FKBP4: variants seen among roughly 807,000 people sequenced by gnomAD.
FKBP4 encodes FKBP prolyl isomerase 4, also known as peptidyl-prolyl cis-trans isomerase FKBP4.
Under a neutral mutation model 54.1 loss-of-function variants are expected in FKBP4, and 28 were observed. That is an observed-to-expected ratio of 0.52 (90% CI 0.38 to 0.71). The LOEUF is 0.71. Among genes scored for constraint, FKBP4 ranks in the 30% least tolerant of loss-of-function variants. The probability of loss-of-function intolerance (pLI) is 0.00; values close to 1 mark genes in which losing one functional copy is unlikely to be tolerated. For synonymous variants in FKBP4, 223 were observed against 216.1 expected, an observed-to-expected ratio of 1.03 and a Z score of -0.28; for missense variants, 493 against 574.4, an observed-to-expected ratio of 0.86 and a Z score of 1.45.
At chr12:2,796,867 A>T in intron 1 of FKBP4, 2 of 1,248,438 alleles carry the variant, frequency 1.6e-6, no homozygotes, top group Non-Finnish European at 2.0e-6. Flanking sequence ...GGAGAATTTT[A>T]AAAACTTACC....
Position 2,803,309 on chromosome 12 carries a change from A to AC in FKBP4, c.*52dup, listed in dbSNP as rs776413239. 1.9e-5 allele frequency: 24 copies of AC among 1,265,156 alleles called. No individual in the cohort carries two copies. The South Asian group carries it at 2.7e-4, about 14-fold the overall frequency. The allele number at this position is 1,265,156 out of a possible 1,614,324, so 78.4% of individuals were successfully genotyped here. A position where few individuals can be genotyped will look rare whatever the true frequency, so the allele number is the denominator to read the frequency against. On this transcript the variant is annotated 3_prime_UTR_variant, in exon 10 of 10. Transcript: ENST00000001008. Reference sequence around the variant, plus strand: ...CGGCTGCCTGCCCCCCAGTCTCCCCACTCCACCCTGTTAGTTTTGTAAAAA... The same window carrying AC: ...CGGCTGCCTGCCCCCCAGTCTCCCCACCTCCACCCTGTTAGTTTTGTAAAAA...
intron 2 of FKBP4, among the ~76,000 whole-genome samples, chr12:2,797,509 A>C (rs1224595774): frequency 8.0e-5 from 12 of 150,702 alleles, no homozygotes. Flanking sequence ...TCAAAGGTGG[A>C]CTGTCTTGCA....
chr12:2,802,728 C>G (rs890170018), intron 9 of FKBP4, among the ~76,000 whole-genome samples: 2 of 151,998 alleles, frequency 1.3e-5, no homozygotes, highest in Non-Finnish European at 2.9e-5. Flanking sequence ...TACAAGTGTT[C>G]TGTTTTGTTT....
chr12:2,800,558 C>T lies in FKBP4; in HGVS notation c.1013C>T (p.Ala338Val). 6.2e-7 allele frequency: 1 copy of T among 1,611,152 alleles called. No homozygotes were observed. The highest frequency in any genetic ancestry group is 1.1e-5 in the South Asian group (1 of 90,706). The change falls in exon 8 of 10, where the codon GCC becomes GTC. Residue 338 changes from alanine (A) to valine (V), a missense_variant. Ala to Val is a moderately conservative substitution (Grantham distance 64). Coordinates refer to ENST00000001008, the MANE Select transcript of FKBP4 (RefSeq NM_002014.4). ...CTGAAACTACAGGCCTTCTCTGCTG[C>T]CATTGAAAGCTGTAACAAGGTGAGG... Reference protein sequence around the residue: ...CHLKLQAFSAAIESCNKALEL... With the variant: ...CHLKLQAFSAVIESCNKALEL...
chr12:2,796,722 AAGG>A, intron 1 of FKBP4: 1 of 1,065,534 alleles, frequency 9.4e-7, no homozygotes, highest in Non-Finnish European at 1.1e-6. Context: ...ATGAAGGAAG[AAGG>A]AGGAAGTGTG....
intron 7 of FKBP4, 82 bp from the exon 8 acceptor site, chr12:2,800,310 A>T (rs975732526): frequency 1.0e-5 from 15 of 1,473,302 alleles, no homozygotes; most frequent in Non-Finnish European, 1.4e-5. Context: ...TCTTGTGGCC[A>T]TGTGTCACTG....
In FKBP4 at chr12:2,803,215, G is replaced by A. The variant is rs148344428; in HGVS notation, c.1337G>A (p.Ser446Asn). The change falls in exon 10 of 10, where the codon AGC (serine) becomes AAC (asparagine). Residue 446 changes from serine (S) to asparagine (N), a missense_variant. Coordinates refer to ENST00000001008, the MANE Select transcript of FKBP4 (RefSeq NM_002014.4). ...ACAGAGATGAAGGAGGAGCAGAAGA[G>A]CAACACGGCAGGGAGCCAGTCTCAG... is the stretch of plus-strand genomic sequence containing the variant. Reference protein sequence around the residue: ...TDTEMKEEQKSNTAGSQSQVE... With the variant: ...TDTEMKEEQKNNTAGSQSQVE... The A allele has an allele frequency of 4.4e-6, 7 of 1,603,022 alleles. No homozygotes were observed. The African/African-American group carries it at 5.4e-5, about 12-fold the overall frequency.
rs1565396827 is a variant in FKBP4 at position 2,798,785 on chromosome 12, G to A, written c.473G>A (p.Gly158Asp). Reference protein sequence around the residue: ...GGIIRRIQTRGEGYAKPNEGA... With the variant: ...GGIIRRIQTRDEGYAKPNEGA... ...ATCATTCGCAGAATACAGACTCGCG[G>A]TGAAGGCTATGCTAAGCCCAATGAG... The change falls in exon 4 of 10, where the codon GGT becomes GAT. Residue 158 changes from glycine to aspartate, a missense_variant. Transcript: ENST00000001008. This position sits in a 1 kb window ranked among gnomAD's most constrained non-coding sequence, Gnocchi z 4.3. The A allele has an allele frequency of 6.2e-7, 1 of 1,614,198 alleles. No homozygotes were observed. The highest frequency in any genetic ancestry group is 1.1e-5 in the South Asian group (1 of 91,082).
chr12:2,802,565 G>A (rs1450024143), intron 9 of FKBP4, among the ~76,000 whole-genome samples: 1 of 152,204 alleles, frequency 6.6e-6, no homozygotes, highest in South Asian at 2.1e-4. Context: ...TTGCATTTGT[G>A]TATTTTTCAA....
rs1179240072 is a variant in FKBP4 at position 2,804,032 on chromosome 12, C to G, written c.*774C>G. The G allele has an allele frequency of 6.8e-6, 1 of 146,732 alleles. No individual in the cohort carries two copies. Among genetic ancestry groups the G allele is most frequent in the Non-Finnish European group, 1.5e-5 (1 of 67,290 alleles). The allele number at this position is 146,732 out of a possible 1,614,324, so 9.1% of individuals were successfully genotyped here. On this transcript the variant is annotated 3_prime_UTR_variant, in exon 10 of 10. Transcript: ENST00000001008. ...GGTAGTAGCACAATCAAGGGGTCAC[C>G]CACTTAGTTCCAGTTGAGCTTAAAT... is the stretch of plus-strand genomic sequence containing the variant.
Position 2,805,323 on chromosome 12 carries a change from G to A in FKBP4, c.*2065G>A, listed in dbSNP as rs1226979291. On this transcript the variant is annotated 3_prime_UTR_variant, in exon 10 of 10. Transcript: ENST00000001008. ...GTTTCTTCCAGCTCTGCATCCTGTA[G>A]GATTCCAAGAATGTAAAACTGCATG... The A allele has an allele frequency of 2.7e-6, 1 of 366,308 alleles. No homozygotes were observed. The highest frequency in any genetic ancestry group is 5.3e-6 in the Non-Finnish European group (1 of 187,252). The allele number at this position is 366,308 out of a possible 1,614,324, so 22.7% of individuals were successfully genotyped here. A position where few individuals can be genotyped will look rare whatever the true frequency, so the allele number is the denominator to read the frequency against.
chr12:2,805,100 CAT>C lies in FKBP4; in HGVS notation c.*1843_*1844del, dbSNP rs1444850849. The C allele has an allele frequency of 1.7e-4, 75 of 452,766 alleles. 1 individual carries two copies. The highest frequency in any genetic ancestry group is 1.0e-3 in the South Asian group (64 of 64,002). The allele number at this position is 452,766 out of a possible 1,614,324, so 28.0% of individuals were successfully genotyped here. A position where few individuals can be genotyped will look rare whatever the true frequency, so the allele number is the denominator to read the frequency against. On this transcript the variant is annotated 3_prime_UTR_variant, in exon 10 of 10. Transcript: ENST00000001008. ...GCCTAGCACTGTACTGACAGCATCA[CAT>C]GAGTGAAACTGAATCCTTGCAACCA...
At chr12:2,801,702 T>G in intron 9 of FKBP4, 1 of 454,684 alleles carries the variant, frequency 2.2e-6, no homozygotes, top group Non-Finnish European at 4.4e-6. Context: ...CTCAGTGACT[T>G]AGGATGGCAC....
intron 2 of FKBP4, 88 bp downstream of exon 2, chr12:2,797,370 G>GGGA: frequency 1.3e-6 from 2 of 1,486,654 alleles, no homozygotes; most frequent in Non-Finnish European, 1.9e-6. Flanking sequence ...ACCAAGCTCA[G>GGGA]GGAGGAATGG....
At chr12:2,801,963 C>T (rs1332479217) in intron 9 of FKBP4, among the ~76,000 whole-genome samples, 1 of 152,124 alleles carries the variant, frequency 6.6e-6, no homozygotes, top group African/African-American at 2.4e-5. Flanking sequence ...AGGCAACGTG[C>T]TCCACCTATG....
rs1157155625 is a variant in FKBP4 at position 2,803,228 on chromosome 12, G to A, written c.1350G>A (p.Gly450=). The change falls in exon 10 of 10, where the codon GGG becomes GGA. Residue 450 remains glycine, a synonymous_variant. Coordinates refer to ENST00000001008, the MANE Select transcript of FKBP4 (RefSeq NM_002014.4). Reference sequence around the variant, plus strand: ...AGGAGCAGAAGAGCAACACGGCAGGGAGCCAGTCTCAGGTGGAGACAGAAG... The same window carrying A: ...AGGAGCAGAAGAGCAACACGGCAGGAAGCCAGTCTCAGGTGGAGACAGAAG... ...MKEEQKSNTA[G]SQSQVETEA is the part of the protein sequence containing the mutation. The A allele has an allele frequency of 6.3e-7, 1 of 1,598,418 alleles. No individual in the cohort carries two copies.
chr12:2,795,294 G>A lies in FKBP4; in HGVS notation c.105+50G>A, dbSNP rs771477586. The A allele has an allele frequency of 1.6e-5, 17 of 1,064,858 alleles. No individual in the cohort carries two copies. Among genetic ancestry groups the A allele is most frequent in the South Asian group, 4.4e-5 (1 of 22,492 alleles). The allele number at this position is 1,064,858 out of a possible 1,614,324, so 66.0% of individuals were successfully genotyped here. On this transcript the variant is annotated intron_variant, in intron 1 of 9. Transcript: ENST00000001008. This position sits in a 1 kb window ranked among gnomAD's most constrained non-coding sequence, Gnocchi z 4.3. ...GGCGTCGGAACCCGGGGCCCCGCGG[G>A]CCGCCCTTCCGCCGCGCCCGGAGCC...
Position 2,799,488 on chromosome 12 carries a change from C to G in FKBP4, c.671+244C>G, listed in dbSNP as rs114691492. Among the ~76,000 whole-genome samples the G allele has an allele frequency of 8.0e-3, 1,212 of 152,290 alleles. 11 individuals carry two copies. The highest frequency in any genetic ancestry group is 0.027 in the African/African-American group (1,127 of 41,554). On this transcript the variant is annotated intron_variant, in intron 5 of 9. Transcript: ENST00000001008. ...CCTCTGCCATCAAGATTTTCCTCTCCCATTAATTCATTTCAGTCATTACTG... is the reference window on the plus strand; with the variant it reads ...CCTCTGCCATCAAGATTTTCCTCTCGCATTAATTCATTTCAGTCATTACTG...
At chr12:2,796,973 A>G in intron 1 of FKBP4, 165 bp from the exon 2 acceptor site, 1 of 1,399,028 alleles carries the variant, frequency 7.1e-7, no homozygotes, top group Non-Finnish European at 9.3e-7. Flanking sequence ...AGGTTAGTTG[A>G]CTCATAAGCC....
Sources: gnomAD v4.1 joint callset for allele counts (sites outside exome capture counted in the v4.1 genomes callset) on GRCh38, gnomAD v4.1.1 for gene constraint, Gnocchi (gnomAD v3.1) non-coding constraint, MANE v1.5 for transcripts, NCBI Gene and HGNC (gene_info 2026-07-23, HGNC 2026-07-21) for gene names.